Variants in CPD observed in about 807,000 individuals in gnomAD.
CPD encodes the protein carboxypeptidase D, also known as metallocarboxypeptidase D.
CPD carries 69 observed loss-of-function variants against 138.3 expected under a neutral mutation model. That is an observed-to-expected ratio of 0.50 (90% CI 0.41 to 0.61). The LOEUF is 0.61. CPD is among the 20% of genes least tolerant of loss of function. The pLI is 0.00. For missense variants in CPD, 1,432 were observed against 1,733.3 expected (o/e 0.83, Z 3.09); for synonymous variants, 651 against 642.1 (o/e 1.01, Z -0.21).
At chr17:30,444,102 GGTTATA>G in intron 11 of CPD, 131 bp downstream of exon 11, 1 of 829,352 alleles carries the variant, frequency 1.2e-6, no homozygotes, top group East Asian at 2.5e-5. Flanking sequence ...GTTTAGGGCT[GGTTATA>G]CCTTTGACTC....
intron 2 of CPD, among the ~76,000 whole-genome samples, chr17:30,417,560 C>A (rs1399249817): frequency 6.6e-6 from 1 of 152,154 alleles, no homozygotes; most frequent in Non-Finnish European, 1.5e-5. Context: ...CCCAATTGAT[C>A]AGGCCAGAGG....
chr17:30,431,347 A>G (rs1912558600), intron 7 of CPD, among the ~76,000 whole-genome samples: 1 of 152,142 alleles, frequency 6.6e-6, no homozygotes, highest in Non-Finnish European at 1.5e-5. Flanking sequence ...GAGTTTTTAA[A>G]TACTGGACAC....
Position 30,465,419 on chromosome 17 carries a change from TG to T in CPD, c.*607del, listed in dbSNP as rs2143521182. ...ACCTGTTCCAAGGCTAGATCGGAAC[TG>T]GTAGACTACGCTGTAAGCAGGATTT... is the stretch of plus-strand genomic sequence containing the variant. On this transcript the variant is annotated 3_prime_UTR_variant, in exon 21 of 21. Coordinates refer to ENST00000225719, the MANE Select transcript of CPD (RefSeq NM_001304.5). The T allele has an allele frequency of 6.5e-6, 1 of 153,222 alleles. No homozygotes were observed. The highest frequency in any genetic ancestry group is 2.4e-5 in the African/African-American group (1 of 41,578). The allele number at this position is 153,222 out of a possible 1,614,324, so 9.5% of individuals were successfully genotyped here.
chr17:30,418,184 T>C (rs1376217862), intron 2 of CPD, among the ~76,000 whole-genome samples: 33 of 151,610 alleles, frequency 2.2e-4, no homozygotes, highest in Non-Finnish European at 4.7e-4. Flanking sequence ...AATATCATTT[T>C]TTTCTTTTTT....
intron 2 of CPD, among the ~76,000 whole-genome samples, chr17:30,400,271 A>G (rs1911617796): frequency 1.3e-5 from 2 of 152,196 alleles, no homozygotes; most frequent in African/African-American, 4.8e-5. Flanking sequence ...ACAAGTTACT[A>G]CTTAACTTTT....
At chr17:30,461,732 C>A in intron 18 of CPD, 145 bp from the exon 19 acceptor site, 1 of 582,092 alleles carries the variant, frequency 1.7e-6, no homozygotes, top group South Asian at 3.1e-5. Context: ...AGAGAAGAAG[C>A]AGGCCATACA....
At chr17:30,390,501 T>G (rs1014889272) in intron 2 of CPD, among the ~76,000 whole-genome samples, 1 of 152,200 alleles carries the variant, frequency 6.6e-6, no homozygotes, top group African/African-American at 2.4e-5. Flanking sequence ...TTTACTGAGT[T>G]CCTGCCGTGC....
chr17:30,450,354 C>T (rs1012938232), intron 13 of CPD: 4 of 152,372 alleles, frequency 2.6e-5, no homozygotes, highest in African/African-American at 9.6e-5. Context: ...GCCATGGCGC[C>T]TGGCCAGTTT....
In CPD at chr17:30,422,649, T is replaced by C. The variant is rs754930782; in HGVS notation, c.1308-25T>C. On this transcript the variant is annotated intron_variant, in intron 4 of 20. Transcript: ENST00000225719. ...ATTGTATGTCTTAACTATAAACCAT[T>C]TACTTTTTCAAATTTTTTTTTCAGG... 4 of 1,509,488 alleles carry C rather than the reference T, an allele frequency of 2.6e-6. No homozygotes were observed. In the South Asian group the frequency reaches 3.7e-5, roughly 14 times the overall value. The allele number at this position is 1,509,488 out of a possible 1,614,324, so 93.5% of individuals were successfully genotyped here. A position where few individuals can be genotyped will look rare whatever the true frequency, so the allele number is the denominator to read the frequency against.
chr17:30,411,730 AC>A (rs1911973636), intron 2 of CPD, among the ~76,000 whole-genome samples: 2 of 152,128 alleles, frequency 1.3e-5, no homozygotes, highest in Non-Finnish European at 2.9e-5. Flanking sequence ...GGTCTTCTCT[AC>A]ACTGTTTATT....
intron 17 of CPD, among the ~76,000 whole-genome samples, chr17:30,460,010 A>G (rs1301341010): frequency 1.3e-5 from 2 of 152,206 alleles, no homozygotes; most frequent in African/African-American, 4.8e-5. Flanking sequence ...TGCCTGGCCT[A>G]TTGTACGAAT....
chr17:30,468,709 A>G lies in CPD; in HGVS notation c.*3895A>G, dbSNP rs928170991. On this transcript the variant is annotated 3_prime_UTR_variant, in exon 21 of 21. Transcript: ENST00000225719. ...TGTCTTTCTTTGTGTTTTGTCTCAT[A>G]ATCTTTTTTCAGATGCAATATGCCG... 4.6e-5 allele frequency: 7 copies of G among 152,552 alleles called. No individual in the cohort carries two copies. The highest frequency in any genetic ancestry group is 1.7e-4 in the African/African-American group (7 of 41,442). The allele number at this position is 152,552 out of a possible 1,614,324, so 9.4% of individuals were successfully genotyped here. A position where few individuals can be genotyped will look rare whatever the true frequency, so the allele number is the denominator to read the frequency against.
intron 8 of CPD, among the ~76,000 whole-genome samples, chr17:30,436,997 CCTA>C (rs1299097457): frequency 6.6e-6 from 1 of 152,110 alleles, no homozygotes; most frequent in Non-Finnish European, 1.5e-5. Flanking sequence ...ACCTTAAAAA[CCTA>C]CTAAGTGAAA....
intron 2 of CPD, among the ~76,000 whole-genome samples, chr17:30,418,245 A>C (rs559226296): frequency 1.7e-4 from 26 of 152,082 alleles, no homozygotes; most frequent in African/African-American, 6.3e-4. Context: ...CAGTGGCGCA[A>C]TCTTGGCTCA....
chr17:30,388,553 C>T (rs1481492412), intron 2 of CPD, among the ~76,000 whole-genome samples: 1 of 152,208 alleles, frequency 6.6e-6, no homozygotes, highest in Non-Finnish European at 1.5e-5. Flanking sequence ...ACCCCAATCC[C>T]GGATAGGAGC....
At chr17:30,440,622 A>G (rs1159527376) in intron 9 of CPD, among the ~76,000 whole-genome samples, 1 of 149,212 alleles carries the variant, frequency 6.7e-6, no homozygotes. Flanking sequence ...TCAGCTTTCT[A>G]CATATGGCTA....
chr17:30,446,139 G>C, intron 12 of CPD, 119 bp downstream of exon 12: 1 of 736,406 alleles, frequency 1.4e-6, no homozygotes, highest in Non-Finnish European at 2.2e-6. Context: ...CAGAGAGTTG[G>C]AGTTTACTTA....
chr17:30,456,369 C>CT lies in CPD; in HGVS notation c.3433+22dup. On this transcript the variant is annotated intron_variant, in intron 16 of 20. Transcript: ENST00000225719. ...TAAATCAGGTAGATGTTTTCCATAC[C>CT]TTTTGTTATTGCTGTTGTTGTTGTT... 1 of 1,612,392 alleles carries CT rather than the reference C, an allele frequency of 6.2e-7. No individual in the cohort carries two copies. Among genetic ancestry groups the CT allele is most frequent in the Non-Finnish European group, 8.5e-7 (1 of 1,178,408 alleles).
rs765863802 is a variant in CPD, at chr17:30,422,782, G to C, written c.1416G>C (p.Glu472Asp). ...CTTCAGTAATCCCTGACACGACAGA[G>C]GCTGTATCAACTGCTAGCACAGTTG... ...TVTSVIPDTT[E>D]AVSTASTVAI... is the part of the protein sequence containing the mutation. Residue 472 changes from glutamate to aspartate, a missense_variant, in exon 5 of 21, where the codon GAG becomes GAC. Glu to Asp is a conservative substitution (Grantham distance 45, BLOSUM62 2). Coordinates refer to ENST00000225719, the MANE Select transcript of CPD (RefSeq NM_001304.5). 6.2e-7 allele frequency: 1 copy of C among 1,614,062 alleles called. No individual in the cohort carries two copies. Among genetic ancestry groups the C allele is most frequent in the Non-Finnish European group, 8.5e-7 (1 of 1,179,956 alleles).
Sources: allele counts gnomAD v4.1 joint callset (sites outside exome capture counted in the v4.1 genomes callset), GRCh38; gene constraint gnomAD v4.1.1; transcripts MANE v1.5; gene names NCBI Gene and HGNC (gene_info 2026-07-23, HGNC 2026-07-21).